The following AK9 variants were observed in gnomAD, a reference collection of about 807,000 sequenced individuals.
AK9 encodes adenylate kinase 9, also known as adenylate kinase domain containing 1.
Under a neutral mutation model 239.6 loss-of-function variants are expected in AK9, and 191 were observed. The ratio of observed to expected loss-of-function variants is 0.80; its 90% CI spans 0.71 to 0.90. The LOEUF is 0.90. Among genes scored for constraint, AK9 ranks in the 40% least tolerant of loss-of-function variants. AK9 has a pLI of 0.00. For synonymous variants in AK9, 689 were observed against 721.0 expected, an observed-to-expected ratio of 0.96 and a Z score of 0.71; for missense variants, 1,995 against 2,214.7, an observed-to-expected ratio of 0.90 and a Z score of 1.99.
chr6:109,604,826 GTC>G (rs977886704), intron 17 of AK9, among the ~76,000 whole-genome samples: 3 of 152,010 alleles, frequency 2.0e-5, no homozygotes, highest in Non-Finnish European at 4.4e-5. Context: ...AAGAATTTAT[GTC>G]TCTATTTATT....
chr6:109,545,725 C>T, intron 26 of AK9, 142 bp downstream of exon 26: 1 of 1,003,906 alleles, frequency 1.0e-6, no homozygotes, highest in Non-Finnish European at 1.4e-6. Context: ...TCACCTGAGC[C>T]CAGGGAAGTT....
At chr6:109,621,815 C>T (rs1393167866) in intron 12 of AK9, among the ~76,000 whole-genome samples, 30 of 137,776 alleles carry the variant, frequency 2.2e-4, no homozygotes, top group African/African-American at 6.9e-4. Flanking sequence ...GTGGGTGCAG[C>T]GCACCAGCAT....
At chr6:109,658,632 T>C (rs1207110832) in intron 7 of AK9, among the ~76,000 whole-genome samples, 2 of 152,194 alleles carry the variant, frequency 1.3e-5, no homozygotes, top group African/African-American at 4.8e-5. Context: ...AGAATGTTTA[T>C]GTTGATTGTA....
chr6:109,538,481 T>C (rs1782349309), intron 27 of AK9, among the ~76,000 whole-genome samples: 1 of 152,190 alleles, frequency 6.6e-6, no homozygotes, highest in Admixed American at 6.5e-5. Flanking sequence ...CATCCCTTTA[T>C]TTTGAGCCTA....
intron 29 of AK9, among the ~76,000 whole-genome samples, chr6:109,520,761 TTG>T (rs1779776976): frequency 1.3e-5 from 2 of 152,208 alleles, no homozygotes; most frequent in African/African-American, 4.8e-5. Context: ...TTCATTTGTT[TTG>T]TGTTGTCTCT....
At position 109,573,520 on chromosome 6, in the gene AK9, C is replaced by T. The variant is rs1360580642; in HGVS notation, c.2266G>A (p.Ala756Thr). 1 of 1,551,366 alleles carries T rather than the reference C, an allele frequency of 6.4e-7. No individual in the cohort carries two copies. The highest frequency in any genetic ancestry group is 8.7e-7 in the Non-Finnish European group (1 of 1,146,758). ...CATGACCCTCGGGTATCGTGAGATGCCTCAGGCTCTTCGTGAACTTCCAAC... is the reference window on the plus strand; with the variant it reads ...CATGACCCTCGGGTATCGTGAGATGTCTCAGGCTCTTCGTGAACTTCCAAC... ...DELEVHEEPE[A>T]SHDTRGSWLP... The change falls in exon 21 of 41, where the codon GCA (alanine) becomes ACA (threonine). Residue 756 changes from alanine to threonine, a missense_variant. Physicochemically the swap from Ala to Thr is moderately conservative, Grantham distance 58. Coordinates refer to ENST00000424296, the MANE Select transcript of AK9 (RefSeq NM_001145128.3).
chr6:109,567,114 C>T (rs1044193135), intron 21 of AK9, among the ~76,000 whole-genome samples: 3 of 152,070 alleles, frequency 2.0e-5, no homozygotes, highest in Admixed American at 6.5e-5. Context: ...ACATAAAAAA[C>T]CCTTCAAAAA....
At chr6:109,673,868 C>T (rs1471953926) in intron 3 of AK9, among the ~76,000 whole-genome samples, 1 of 151,660 alleles carries the variant, frequency 6.6e-6, no homozygotes, top group African/African-American at 2.4e-5. Context: ...GGTGTTGTGG[C>T]TCACACCTGT....
At chr6:109,645,287 G>A (rs1797909631) in intron 8 of AK9, among the ~76,000 whole-genome samples, 1 of 152,154 alleles carries the variant, frequency 6.6e-6, no homozygotes, top group South Asian at 2.1e-4. Context: ...AGGGGTGGGG[G>A]GATTTCGCTT....
chr6:109,576,420 C>CTTTTTTTTT lies in AK9; in HGVS notation c.2192-2835_2192-2827dup, dbSNP rs3060763. 2.7e-3 allele frequency among the ~76,000 whole-genome samples: 282 copies of CTTTTTTTTT among 103,460 alleles called. 25 individuals are homozygous for CTTTTTTTTT. The highest frequency in any genetic ancestry group is 0.018 in the South Asian group (43 of 2,454). The allele number at this position is 103,460 out of a possible 152,430, so 67.9% of individuals were successfully genotyped here. On this transcript the variant is annotated intron_variant, in intron 20 of 40. Coordinates refer to ENST00000424296, the MANE Select transcript of AK9 (RefSeq NM_001145128.3). ...GGTTAGGTGTATATACATATATATACTTTTTTTTTTTTTTTTTGCAGCTGT... is the reference window on the plus strand; with the variant it reads ...GGTTAGGTGTATATACATATATATACTTTTTTTTTTTTTTTTTTTTTTTTTTGCAGCTGT...
rs74473363 is a variant in AK9, at chr6:109,552,652, T to G, written c.2752-2350A>C. ...CAAAAATTTTCTCCCATTCTTCAGG[T>G]TGCCTGTTCACTCTGATGATAGTTT... On this transcript the variant is annotated intron_variant, in intron 24 of 40. Transcript: ENST00000424296. Among the ~76,000 whole-genome samples the G allele has an allele frequency of 4.4e-3, 677 of 152,332 alleles. 9 individuals carry two copies. Among genetic ancestry groups the G allele is most frequent in the African/African-American group, 0.016 (653 of 41,574 alleles).
chr6:109,631,320 A>G (rs1370645818), intron 12 of AK9, among the ~76,000 whole-genome samples: 1 of 152,194 alleles, frequency 6.6e-6, no homozygotes, highest in African/African-American at 2.4e-5. Flanking sequence ...TATAGATAAT[A>G]TTAGGAACTC....
intron 24 of AK9, among the ~76,000 whole-genome samples, chr6:109,553,835 G>T (rs994653424): frequency 2.0e-5 from 3 of 152,122 alleles, no homozygotes; most frequent in Non-Finnish European, 2.9e-5. Context: ...ATTCGCTGTG[G>T]CTTTGTCATA....
rs573902445 is a variant in AK9, at chr6:109,531,708, C to T, written c.3570+1543G>A. On this transcript the variant is annotated intron_variant, in intron 28 of 40. Coordinates refer to ENST00000424296, the MANE Select transcript of AK9 (RefSeq NM_001145128.3). ...TATTCCAGGCCCCACAGTGAGACAA[C>T]ATATGAATGTGCTTTGGTAGGCTCT... Among the ~76,000 whole-genome samples, 4 of 152,292 alleles carry T rather than the reference C, an allele frequency of 2.6e-5. No homozygotes were observed. In the South Asian group the frequency reaches 6.2e-4, roughly 24 times the overall value.
chr6:109,528,998 CAA>C lies in AK9; in HGVS notation c.3633+11_3633+12del, dbSNP rs748284645. On this transcript the variant is annotated intron_variant, in intron 29 of 40. Coordinates refer to ENST00000424296, the MANE Select transcript of AK9 (RefSeq NM_001145128.3). ...TGAGACCCTGTTTTGAAAAAAAAAA[CAA>C]AACTACTTACCTCCCTCCTTTTTTT... The C allele has an allele frequency of 4.5e-5, 30 of 664,350 alleles. No homozygotes were observed. Among genetic ancestry groups the C allele is most frequent in the South Asian group, 3.4e-4 (6 of 17,612 alleles). 41.2% of individuals were successfully genotyped at this position (664,350 alleles called of 1,614,324 possible). A position where few individuals can be genotyped will look rare whatever the true frequency, so the allele number is the denominator to read the frequency against.
Position 109,675,912 on chromosome 6 carries a change from C to A in AK9, c.-11-156G>T, listed in dbSNP as rs182088615. On this transcript the variant is annotated intron_variant, in intron 1 of 40. Coordinates refer to ENST00000424296, the MANE Select transcript of AK9 (RefSeq NM_001145128.3). Reference sequence around the variant, plus strand: ...TCAGTAATTGCAAATAAGTTTAACTCATTTATAAAAACAATAGTAAGCTCT... The same window carrying A: ...TCAGTAATTGCAAATAAGTTTAACTAATTTATAAAAACAATAGTAAGCTCT... 0.028 allele frequency among the ~76,000 whole-genome samples: 4,210 copies of A among 152,162 alleles called. 97 individuals are homozygous for A. Among genetic ancestry groups the A allele is most frequent in the East Asian group, 0.11 (576 of 5,192 alleles).
intron 29 of AK9, among the ~76,000 whole-genome samples, chr6:109,527,078 G>T (rs1780618739): frequency 6.6e-6 from 1 of 152,136 alleles, no homozygotes; most frequent in South Asian, 2.1e-4. Flanking sequence ...CCTCCCAGTG[G>T]CTACCCAACA....
At chr6:109,564,961 TAGAA>T in intron 21 of AK9, 116 bp from the exon 22 acceptor site, 1 of 672,840 alleles carries the variant, frequency 1.5e-6, no homozygotes, top group Non-Finnish European at 2.3e-6. Flanking sequence ...AAATGCCTAA[TAGAA>T]AGCAAAGTTC....
intron 1 of AK9, among the ~76,000 whole-genome samples, chr6:109,684,310 C>A: frequency 6.6e-6 from 1 of 151,954 alleles, no homozygotes; most frequent in East Asian, 1.9e-4. Context: ...AGAAAACCTG[C>A]GCAATACCAT....
Sources: allele counts gnomAD v4.1 joint callset (sites outside exome capture counted in the v4.1 genomes callset), GRCh38; gene constraint gnomAD v4.1.1; transcripts MANE v1.5; gene names NCBI Gene and HGNC (gene_info 2026-07-23, HGNC 2026-07-21).